The following IL1RN variants were observed in gnomAD, a reference collection of about 807,000 sequenced individuals.
IL1RN encodes the protein interleukin-1 receptor antagonist protein.
IL1RN carries 10 observed loss-of-function variants against 13.7 expected under a neutral mutation model. The ratio of observed to expected loss-of-function variants is 0.73; its 90% CI spans 0.45 to 1.24. The LOEUF is 1.24. Among genes scored for constraint, IL1RN ranks in the 50% most tolerant of loss-of-function variants. The probability of loss-of-function intolerance (pLI) is 0.00; values close to 1 mark genes in which losing one functional copy is unlikely to be tolerated. For synonymous variants in IL1RN, 102 were observed against 82.7 expected (o/e 1.23, Z -1.27); for missense variants, 213 against 222.1 (o/e 0.96, Z 0.26).
Position 113,130,982 on chromosome 2 carries a change from G to A in IL1RN, c.206-63G>A, listed in dbSNP as rs185541025. ...CCAGGGGAGATAGAAAAATACCCGGGGTCTCTTCATTATTGCTGCTTCCTC... is the reference window on the plus strand; with the variant it reads ...CCAGGGGAGATAGAAAAATACCCGGAGTCTCTTCATTATTGCTGCTTCCTC... On this transcript the variant is annotated intron_variant, in intron 2 of 3. Coordinates refer to ENST00000409930, the MANE Select transcript of IL1RN (RefSeq NM_173842.3). The A allele has an allele frequency of 4.0e-5, 42 of 1,038,696 alleles. 1 individual carries two copies. In the African/African-American group the frequency reaches 5.2e-4, roughly 13 times the overall value. The allele number at this position is 1,038,696 out of a possible 1,614,324, so 64.3% of individuals were successfully genotyped here. A position where few individuals can be genotyped will look rare whatever the true frequency, so the allele number is the denominator to read the frequency against.
the IL1RN span, among the ~76,000 whole-genome samples, chr2:113,101,986 C>G: frequency 1.3e-5 from 2 of 152,092 alleles, no homozygotes; most frequent in African/African-American, 4.8e-5. Flanking sequence ...AGGCTGGTCT[C>G]GAACTCCCGA....
At chr2:113,118,662 G>A (rs892301646) in intron 1 of IL1RN, among the ~76,000 whole-genome samples, 12 of 152,196 alleles carry the variant, frequency 7.9e-5, no homozygotes, top group East Asian at 1.9e-4. Context: ...TGCAACCTCC[G>A]GTTAGGATTT....
chr2:113,123,526 G>C (rs909317735), upstream of IL1RN, among the ~76,000 whole-genome samples: 1 of 152,190 alleles, frequency 6.6e-6, no homozygotes, highest in Non-Finnish European at 1.5e-5. Context: ...AGTCCTGCTA[G>C]GGTAGAGGTT....
upstream of IL1RN, among the ~76,000 whole-genome samples, chr2:113,109,757 T>C (rs1451116106): frequency 2.2e-5 from 3 of 134,196 alleles, no homozygotes; most frequent in South Asian, 2.5e-4. Context: ...TAAACTATTA[T>C]GACTGCAAAA....
chr2:113,106,965 A>G (rs1366578609), upstream of IL1RN, among the ~76,000 whole-genome samples: 3 of 152,246 alleles, frequency 2.0e-5, no homozygotes, highest in African/African-American at 7.2e-5. Flanking sequence ...AGGTTTAAAC[A>G]GCAAAATGAA....
chr2:113,119,960 A>C, intron 1 of IL1RN: 1 of 863,590 alleles, frequency 1.2e-6, no homozygotes, highest in Non-Finnish European at 1.9e-6. Flanking sequence ...TAAAGGATAG[A>C]GATGGAACCA....
At chr2:113,128,637 A>T (rs2104453847) in intron 1 of IL1RN, among the ~76,000 whole-genome samples, 1 of 152,254 alleles carries the variant, frequency 6.6e-6, no homozygotes, top group Admixed American at 6.5e-5. Context: ...TAAATCTAGA[A>T]ACTAGGATAA....
the IL1RN span, among the ~76,000 whole-genome samples, chr2:113,101,913 G>T: frequency 6.6e-6 from 1 of 152,096 alleles, no homozygotes; most frequent in Non-Finnish European, 1.5e-5. Flanking sequence ...GATTACAGGT[G>T]TGCGTTATCA....
At chr2:113,115,581 C>T (rs1686576523), upstream of IL1RN, 1 of 152,082 alleles carries the variant, frequency 6.6e-6, no homozygotes, top group African/African-American at 2.4e-5. Flanking sequence ...TTCAGAAGCC[C>T]CTTCACCATG....
chr2:113,109,411 T>TAAA (rs35727625), upstream of IL1RN, among the ~76,000 whole-genome samples: 42,855 of 132,634 alleles, frequency 0.32, 7,393 homozygotes, highest in Middle Eastern at 0.48. Flanking sequence ...AAACGCCATC[T>TAAA]AAAAAAAAAA....
At chr2:113,114,691 G>C (rs780656597), upstream of IL1RN, among the ~76,000 whole-genome samples, 1 of 151,984 alleles carries the variant, frequency 6.6e-6, no homozygotes, top group African/African-American at 2.4e-5. Flanking sequence ...GAGAGAGAGA[G>C]AGAGAATGAG....
rs1687233826 is a variant in IL1RN at position 113,133,135 on chromosome 2, G to A, written c.*264G>A. 22 of 538,806 alleles carry A rather than the reference G, an allele frequency of 4.1e-5. 1 individual carries two copies. The highest frequency in any genetic ancestry group is 5.1e-4 in the Middle Eastern group (1 of 1,958). The allele number at this position is 538,806 out of a possible 1,614,324, so 33.4% of individuals were successfully genotyped here. A position where few individuals can be genotyped will look rare whatever the true frequency, so the allele number is the denominator to read the frequency against. On this transcript the variant is annotated 3_prime_UTR_variant, in exon 4 of 4. Coordinates refer to ENST00000409930, the MANE Select transcript of IL1RN (RefSeq NM_173842.3). ...CACAAAGCCCTTCCATGTCGCCTCT[G>A]CATTCAGGATCAAACCCCGACCACC...
chr2:113,108,045 T>C (rs1168937059), upstream of IL1RN, among the ~76,000 whole-genome samples: 1 of 152,164 alleles, frequency 6.6e-6, no homozygotes, highest in Non-Finnish European at 1.5e-5. Context: ...TTCAGTTCTG[T>C]AGGTCAGAAA....
chr2:113,103,920 A>G (rs1254196241), upstream of IL1RN, among the ~76,000 whole-genome samples: 3 of 152,160 alleles, frequency 2.0e-5, no homozygotes, highest in African/African-American at 4.8e-5. Flanking sequence ...GTAATATTCA[A>G]TATGTGTTGA....
At chr2:113,123,316 A>C (rs534715153), upstream of IL1RN, among the ~76,000 whole-genome samples, 9 of 152,320 alleles carry the variant, frequency 5.9e-5, no homozygotes, top group Admixed American at 4.6e-4. Flanking sequence ...GGAGCCCAGC[A>C]CTGGTGCCCT....
upstream of IL1RN, among the ~76,000 whole-genome samples, chr2:113,105,312 C>G (rs1421411414): frequency 6.6e-6 from 1 of 152,142 alleles, no homozygotes; most frequent in Non-Finnish European, 1.5e-5. Flanking sequence ...CCTAACATTT[C>G]CAGCTGAGTA....
chr2:113,113,753 G>A (rs1686541914), upstream of IL1RN, among the ~76,000 whole-genome samples: 1 of 152,164 alleles, frequency 6.6e-6, no homozygotes, highest in Admixed American at 6.5e-5. Flanking sequence ...TCGTACCTCA[G>A]TAAAGTAGTT....
At chr2:113,104,353 G>T (rs182821351), upstream of IL1RN, among the ~76,000 whole-genome samples, 1 of 152,264 alleles carries the variant, frequency 6.6e-6, no homozygotes, top group Non-Finnish European at 1.5e-5. Flanking sequence ...TAAGACTAGT[G>T]GGTGTTCTGG....
In IL1RN at chr2:113,132,660, T is replaced by A. The variant is rs769895885; in HGVS notation, c.323T>A (p.Val108Asp). 4 of 1,614,056 alleles carry A rather than the reference T, an allele frequency of 2.5e-6. No homozygotes were observed. Among genetic ancestry groups the A allele is most frequent in the Non-Finnish European group, 3.4e-6 (4 of 1,179,896 alleles). The change falls in exon 4 of 4, where the codon GTT (valine) becomes GAT (aspartate). Residue 108 changes from valine to aspartate, a missense_variant. Val to Asp is a radical substitution (Grantham distance 152). Coordinates refer to ENST00000409930, the MANE Select transcript of IL1RN (RefSeq NM_173842.3). ...GDETRLQLEA[V>D]NITDLSENRK... ...TGCCCATCTTTTGATTTCCAGGCAG[T>A]TAACATCACTGACCTGAGCGAGAAC...
Sources: gnomAD v4.1 joint callset for allele counts (sites outside exome capture counted in the v4.1 genomes callset) on GRCh38, gnomAD v4.1.1 for gene constraint, MANE v1.5 for transcripts, NCBI Gene and HGNC (gene_info 2026-07-23, HGNC 2026-07-21) for gene names.